CDH13: variants seen among roughly 807,000 people sequenced by gnomAD.
CDH13 encodes the protein cadherin-13.
CDH13 carries 24 observed loss-of-function variants against 63.8 expected under a neutral mutation model. The ratio of observed to expected loss-of-function variants is 0.38; its 90% CI spans 0.27 to 0.53. The LOEUF (loss-of-function observed/expected upper bound fraction) is 0.53, where lower values mean the gene tolerates loss of function less well. CDH13 is among the 20% of genes least tolerant of loss of function. The pLI, the probability that CDH13 is intolerant of heterozygous loss-of-function variation, is 0.85. For missense variants in CDH13, 1,049 were observed against 903.1 expected (o/e 1.16, Z -2.07); for synonymous variants, 503 against 355.3 (o/e 1.42, Z -4.67).
chr16:83,509,657 G>A (rs1026933672), intron 7 of CDH13, among the ~76,000 whole-genome samples: 1 of 152,120 alleles, frequency 6.6e-6, no homozygotes, highest in Non-Finnish European at 1.5e-5. Flanking sequence ...ACATATAAAG[G>A]CAAAGAGTGG....
At chr16:83,746,532 C>T (rs1030614740) in intron 10 of CDH13, among the ~76,000 whole-genome samples, 1 of 152,114 alleles carries the variant, frequency 6.6e-6, no homozygotes, top group Non-Finnish European at 1.5e-5. Flanking sequence ...ATCTTTTTCC[C>T]GTGAAGACTC....
At chr16:83,691,735 C>A (rs1375399230) in intron 10 of CDH13, among the ~76,000 whole-genome samples, 1 of 152,088 alleles carries the variant, frequency 6.6e-6, no homozygotes, top group Admixed American at 6.5e-5. Flanking sequence ...TCGAACGGAC[C>A]TGGGCCATCC....
At chr16:82,859,849 C>T (rs972382631) in intron 2 of CDH13, 3 of 152,126 alleles carry the variant, frequency 2.0e-5, no homozygotes, top group Non-Finnish European at 4.4e-5. Flanking sequence ...GGGAGCTGTC[C>T]AAGGTGAAGC....
intron 7 of CDH13, among the ~76,000 whole-genome samples, chr16:83,575,795 A>G (rs971294783): frequency 6.6e-6 from 1 of 152,198 alleles, no homozygotes; most frequent in African/African-American, 2.4e-5. Context: ...AATTTAGCAT[A>G]AACTTATATG....
At chr16:83,158,038 C>T (rs28419338) in intron 4 of CDH13, among the ~76,000 whole-genome samples, 18,359 of 152,094 alleles carry the variant, frequency 0.12, 1,104 homozygotes, top group South Asian at 0.2. Flanking sequence ...AGGTATCATG[C>T]ACCTTTGATT....
intron 7 of CDH13, among the ~76,000 whole-genome samples, chr16:83,505,908 G>C (rs1391883102): frequency 6.6e-6 from 1 of 152,178 alleles, no homozygotes; most frequent in Non-Finnish European, 1.5e-5. Flanking sequence ...AAACGCATCA[G>C]CATGTTCCTT....
At chr16:82,985,330 T>C (rs982195539) in intron 2 of CDH13, among the ~76,000 whole-genome samples, 6 of 152,132 alleles carry the variant, frequency 3.9e-5, no homozygotes, top group African/African-American at 1.4e-4. Flanking sequence ...TTCATCCTAT[T>C]CTGTAGGGAA....
At chr16:82,779,035 TAGAG>T (rs772501720) in intron 1 of CDH13, among the ~76,000 whole-genome samples, 12 of 152,114 alleles carry the variant, frequency 7.9e-5, no homozygotes, top group Non-Finnish European at 1.8e-4. Context: ...TGGCTGGACT[TAGAG>T]AGGAAAGATA....
chr16:83,782,599 G>C (rs1299858124), intron 12 of CDH13, among the ~76,000 whole-genome samples: 1 of 152,020 alleles, frequency 6.6e-6, no homozygotes, highest in Non-Finnish European at 1.5e-5. Flanking sequence ...AGCTGGGCAT[G>C]GTAGTGTGTG....
intron 1 of CDH13, among the ~76,000 whole-genome samples, chr16:82,833,580 T>C (rs1319904386): frequency 6.6e-6 from 1 of 152,236 alleles, no homozygotes; most frequent in African/African-American, 2.4e-5. Context: ...TCCAGGGCTT[T>C]CCATTGCTTG....
rs563655238 is a variant in CDH13 at position 83,492,036 on chromosome 16, T to C, written c.960+5381T>C. On this transcript the variant is annotated intron_variant, in intron 7 of 13. Transcript: ENST00000567109. ...GAAGAATGTTAGGGAGAACATCCTA[T>C]GCCATCTAGCCAACGAATTTGGATG... Among the ~76,000 whole-genome samples, 29 of 152,322 alleles carry C rather than the reference T, an allele frequency of 1.9e-4. No homozygotes were observed. The South Asian group carries it at 5.6e-3, about 29-fold the overall frequency.
intron 5 of CDH13, among the ~76,000 whole-genome samples, chr16:83,301,597 A>G (rs1022612187): frequency 6.6e-6 from 1 of 152,060 alleles, no homozygotes; most frequent in Non-Finnish European, 1.5e-5. Context: ...ATCTTCTCGG[A>G]TGTAAGAGAG....
intron 8 of CDH13, among the ~76,000 whole-genome samples, chr16:83,613,690 AG>A (rs1909047998): frequency 6.6e-6 from 1 of 152,082 alleles, no homozygotes; most frequent in Admixed American, 6.5e-5. Flanking sequence ...AAAATTAGTC[AG>A]GCGTGGTGGC....
chr16:82,699,891 C>T (rs1040068087), intron 1 of CDH13, among the ~76,000 whole-genome samples: 1 of 152,210 alleles, frequency 6.6e-6, no homozygotes, highest in Non-Finnish European at 1.5e-5. Flanking sequence ...GACACTGATG[C>T]AATGTTTCAA....
At chr16:83,284,076 A>G (rs982388707) in intron 5 of CDH13, among the ~76,000 whole-genome samples, 1 of 152,224 alleles carries the variant, frequency 6.6e-6, no homozygotes. Flanking sequence ...GTGTGTTATC[A>G]AACACAGTAG....
chr16:82,816,320 GTA>G (rs2037707707), intron 1 of CDH13, among the ~76,000 whole-genome samples: 5 of 152,200 alleles, frequency 3.3e-5, no homozygotes, highest in Non-Finnish European at 5.9e-5. Flanking sequence ...GTATGTGTAG[GTA>G]GTGGTGATAC....
At chr16:82,784,457 C>CA (rs2035909064) in intron 1 of CDH13, among the ~76,000 whole-genome samples, 1 of 152,134 alleles carries the variant, frequency 6.6e-6, no homozygotes, top group African/African-American at 2.4e-5. Context: ...GAATGCTCTC[C>CA]CCCACACCCT....
intron 1 of CDH13, among the ~76,000 whole-genome samples, chr16:82,818,426 A>G (rs2037833392): frequency 6.6e-6 from 1 of 152,220 alleles, no homozygotes; most frequent in African/African-American, 2.4e-5. Flanking sequence ...AAGTATGTTC[A>G]TCGAGCTACT....
rs1049008571 is a variant in CDH13, at chr16:82,746,353, T to C, written c.46-112009T>C. Among the ~76,000 whole-genome samples, 6 of 152,018 alleles carry C rather than the reference T, an allele frequency of 3.9e-5. No individual in the cohort carries two copies. In the East Asian group the frequency reaches 1.2e-3, roughly 29 times the overall value. On this transcript the variant is annotated intron_variant, in intron 1 of 13. Coordinates refer to ENST00000567109, the MANE Select transcript of CDH13 (RefSeq NM_001257.5). The stretch of plus-strand genomic sequence containing the variant: ...ATACTCAAATAGAGATGATAGTACT[T>C]TGACATTTCTTTAAAATCTAGGCAA...
Sources: gnomAD v4.1 joint callset for allele counts (sites outside exome capture counted in the v4.1 genomes callset) on GRCh38, gnomAD v4.1.1 for gene constraint, MANE v1.5 for transcripts, NCBI Gene and HGNC (gene_info 2026-07-23, HGNC 2026-07-21) for gene names.